Variants in SPOCK2 observed in about 807,000 individuals in gnomAD.
SPOCK2 encodes the protein testican-2.
Under a neutral mutation model 60.1 loss-of-function variants are expected in SPOCK2, and 39 were observed. That is an observed-to-expected ratio of 0.65 (90% confidence interval 0.50 to 0.85). The LOEUF (loss-of-function observed/expected upper bound fraction) is 0.85, where lower values mean the gene tolerates loss of function less well. Ranked by LOEUF, SPOCK2 falls within the 40% of genes least tolerant of loss-of-function variation. The probability of loss-of-function intolerance (pLI) is 0.00; values close to 1 mark genes in which losing one functional copy is unlikely to be tolerated. For synonymous variants in SPOCK2, 217 were observed against 231.5 expected (o/e 0.94, Z 0.57); for missense variants, 523 against 567.4 (o/e 0.92, Z 0.80).
chr10:72,060,751 A>G lies in SPOCK2; in HGVS notation c.*2009T>C, dbSNP rs1186831264. 1 of 152,592 alleles carries G rather than the reference A, an allele frequency of 6.6e-6. No homozygotes were observed. Among genetic ancestry groups the G allele is most frequent in the African/African-American group, 2.4e-5 (1 of 41,408 alleles). 9.5% of individuals were successfully genotyped at this position (152,592 alleles called of 1,614,324 possible). A position where few individuals can be genotyped will look rare whatever the true frequency, so the allele number is the denominator to read the frequency against. On this transcript the variant is annotated 3_prime_UTR_variant, in exon 11 of 11. Transcript: ENST00000373109. The stretch of plus-strand genomic sequence containing the variant: ...CCTGGAACGACGCGACACCTCAACA[A>G]TCAGAACTGGGCTGCGGAATGGGAA...
At chr10:72,073,591 GA>G (rs1040725808) in intron 1 of SPOCK2, among the ~76,000 whole-genome samples, 1 of 152,172 alleles carries the variant, frequency 6.6e-6, no homozygotes, top group African/African-American at 2.4e-5. Context: ...TTGTGCCGGA[GA>G]AAGCCCAGAG....
At position 72,062,285 on chromosome 10, in the gene SPOCK2, A is replaced by C. The variant is rs527854674; in HGVS notation, c.*475T>G. ...AGAAGCAAGAGGGAGAAGGGCAGAC[A>C]GGGGTCGGTTGAGCCAGGGTAGAAA... On this transcript the variant is annotated 3_prime_UTR_variant, in exon 11 of 11. Coordinates refer to ENST00000373109, the MANE Select transcript of SPOCK2 (RefSeq NM_001244950.2). This position sits in a 1 kb window ranked among gnomAD's most constrained non-coding sequence, Gnocchi z 4.3. The C allele has an allele frequency of 1.0e-4, 16 of 157,788 alleles. No homozygotes were observed. In the South Asian group the frequency reaches 2.7e-3, roughly 26 times the overall value. The allele number at this position is 157,788 out of a possible 1,614,324, so 9.8% of individuals were successfully genotyped here.
At chr10:72,078,215 A>G (rs1443249601) in intron 1 of SPOCK2, among the ~76,000 whole-genome samples, 1 of 152,190 alleles carries the variant, frequency 6.6e-6, no homozygotes, top group East Asian at 1.9e-4. Flanking sequence ...AATCATAATC[A>G]TAATAAATAT....
intron 1 of SPOCK2, among the ~76,000 whole-genome samples, chr10:72,076,638 T>C (rs910398029): frequency 6.6e-6 from 1 of 152,174 alleles, no homozygotes; most frequent in Non-Finnish European, 1.5e-5. Context: ...AGGCTGGTCT[T>C]GAACTCCTGG....
chr10:72,081,089 G>A (rs2131821861), intron 1 of SPOCK2, among the ~76,000 whole-genome samples: 1 of 152,314 alleles, frequency 6.6e-6, no homozygotes, highest in Admixed American at 6.5e-5. Flanking sequence ...GAAGACCCCA[G>A]GGCTGGAGCT....
Position 72,072,162 on chromosome 10 carries a change from C to T in SPOCK2, c.341G>A (p.Arg114His), listed in dbSNP as rs577728856. Residue 114 changes from arginine (R) to histidine (H), a missense_variant, in exon 4 of 11, where the codon CGC (arginine) becomes CAC (histidine). Coordinates refer to ENST00000373109, the MANE Select transcript of SPOCK2 (RefSeq NM_001244950.2). ...CTCTCACCTGTGCTCCAGCTTCTTGCGACTGATGCACATGGCCCGCTGGTA... is the reference window on the plus strand; with the variant it reads ...CTCTCACCTGTGCTCCAGCTTCTTGTGACTGATGCACATGGCCCGCTGGTA... ...QGYQRAMCIS[R>H]KKLEHRIKQP... The T allele has an allele frequency of 3.4e-5, 52 of 1,528,428 alleles. No individual in the cohort carries two copies. Among genetic ancestry groups the T allele is most frequent in the South Asian group, 5.1e-5 (4 of 78,926 alleles). The allele number at this position is 1,528,428 out of a possible 1,614,324, so 94.7% of individuals were successfully genotyped here. A position where few individuals can be genotyped will look rare whatever the true frequency, so the allele number is the denominator to read the frequency against.
At chr10:72,088,041 C>A in intron 1 of SPOCK2, 99 bp downstream of exon 1, 2 of 1,461,578 alleles carry the variant, frequency 1.4e-6, no homozygotes, top group Non-Finnish European at 1.9e-6. Context: ...GCTGCGGAGC[C>A]TCGGGCTGCG....
chr10:72,075,554 C>T (rs1304044455), intron 1 of SPOCK2, among the ~76,000 whole-genome samples: 2 of 152,176 alleles, frequency 1.3e-5, no homozygotes, highest in African/African-American at 4.8e-5. Flanking sequence ...ACAGTGGATT[C>T]TCAAAGGTCA....
At position 72,067,065 on chromosome 10, in the gene SPOCK2, G is replaced by A. The variant is rs1349256613; in HGVS notation, c.765C>T (p.Ser255=). The change falls in exon 8 of 11, where the codon TCC becomes TCT. Residue 255 remains serine (S), a synonymous_variant. Transcript: ENST00000373109. ...SCKDSIGWMF[S]KLDTSADLFL... The stretch of plus-strand genomic sequence containing the variant: ...AGAGGTCAGCACTGGTGTCCAGCTT[G>A]GAGAACATCCAGCCAATGGAGTCCT... 1 of 1,614,214 alleles carries A rather than the reference G, an allele frequency of 6.2e-7. No individual in the cohort carries two copies. The highest frequency in any genetic ancestry group is 1.1e-5 in the South Asian group (1 of 91,084).
intron 8 of SPOCK2, among the ~76,000 whole-genome samples, chr10:72,064,725 T>A (rs1232354376): frequency 6.6e-6 from 1 of 152,210 alleles, no homozygotes; most frequent in African/African-American, 2.4e-5. Context: ...TTTATTTTTT[T>A]ATTTTTTATT....
Position 72,088,302 on chromosome 10 carries a change from C to G in SPOCK2, c.27G>C (p.Leu9=). 6.3e-7 allele frequency: 1 copy of G among 1,588,328 alleles called. No individual in the cohort carries two copies. Among genetic ancestry groups the G allele is most frequent in the Non-Finnish European group, 8.6e-7 (1 of 1,169,564 alleles). Residue 9 remains leucine, a synonymous_variant, in exon 1 of 11, where the codon CTG becomes CTC. Transcript: ENST00000373109. The part of the protein sequence containing the change: MRAPGCGR[L]VLPLLLLAAA... ...CGGCCAGGAGCAGCAGCGGCAGCAC[C>G]AGCCGCCCGCAGCCCGGGGCGCGCA... is the stretch of plus-strand genomic sequence containing the variant.
intron 7 of SPOCK2, among the ~76,000 whole-genome samples, chr10:72,067,369 G>A (rs1370588141): frequency 6.6e-6 from 1 of 152,166 alleles, no homozygotes; most frequent in East Asian, 1.9e-4. Context: ...TGCTTTCCCT[G>A]GGCTACCCAT....
intron 1 of SPOCK2, among the ~76,000 whole-genome samples, chr10:72,083,952 G>GT (rs1435625391): frequency 4.6e-4 from 70 of 152,226 alleles, no homozygotes; most frequent in African/African-American, 1.7e-3. Flanking sequence ...TAGGTGTGTG[G>GT]GGTGGGAAGC....
At chr10:72,065,515 C>T (rs970471405) in intron 8 of SPOCK2, among the ~76,000 whole-genome samples, 19 of 152,242 alleles carry the variant, frequency 1.2e-4, no homozygotes, top group African/African-American at 3.9e-4. Flanking sequence ...GACAAAATCA[C>T]CTAATGATGC....
intron 1 of SPOCK2, among the ~76,000 whole-genome samples, chr10:72,074,502 G>A (rs1310586169): frequency 6.6e-6 from 1 of 152,262 alleles, no homozygotes; most frequent in Non-Finnish European, 1.5e-5. Flanking sequence ...TTATGCACAG[G>A]TGGACATATG....
Position 72,062,700 on chromosome 10 carries a change from C to T in SPOCK2, c.*60G>A. ...ATTTCTGGATCCGTTCTCGAAGTTG[C>T]CTGCTGCTGCTCAGAGCTCTGCTGT... On this transcript the variant is annotated 3_prime_UTR_variant, in exon 11 of 11. Transcript: ENST00000373109. The surrounding 1 kb of genome is among the most constrained non-coding windows in gnomAD (Gnocchi z 4.3). 1.3e-6 allele frequency: 2 copies of T among 1,548,012 alleles called. No homozygotes were observed. The highest frequency in any genetic ancestry group is 1.7e-6 in the Non-Finnish European group (2 of 1,156,908).
chr10:72,064,350 C>A (rs551385876), intron 8 of SPOCK2, 110 bp from the exon 9 acceptor site: 2 of 1,245,684 alleles, frequency 1.6e-6, no homozygotes, highest in African/African-American at 1.6e-5. Flanking sequence ...GATGAAAACA[C>A]CCCGTTTCTG....
Position 72,087,121 on chromosome 10 carries a change from C to T in SPOCK2, c.189+1019G>A, listed in dbSNP as rs1157937337. 1.5e-5 allele frequency: 15 copies of T among 1,000,294 alleles called. No individual in the cohort carries two copies. Among genetic ancestry groups the T allele is most frequent in the Admixed American group, 2.9e-5 (1 of 34,706 alleles). 62.0% of individuals were successfully genotyped at this position (1,000,294 alleles called of 1,614,324 possible). ...CATCCGGGCCCATCCCCCACAGCAC[C>T]CCCAACGATCTCGGGGTCCAGCCAC... is the stretch of plus-strand genomic sequence containing the variant. On this transcript the variant is annotated intron_variant, in intron 1 of 10. Coordinates refer to ENST00000373109, the MANE Select transcript of SPOCK2 (RefSeq NM_001244950.2). The surrounding 1 kb of genome is among the most constrained non-coding windows in gnomAD (Gnocchi z 4.7).
At chr10:72,077,685 A>T (rs946371841) in intron 1 of SPOCK2, among the ~76,000 whole-genome samples, 2 of 152,172 alleles carry the variant, frequency 1.3e-5, no homozygotes, top group Admixed American at 1.3e-4. Context: ...CCTCCCTCCG[A>T]GGGTGCCTCA....
Sources: gnomAD v4.1 joint callset for allele counts (sites outside exome capture counted in the v4.1 genomes callset) on GRCh38, gnomAD v4.1.1 for gene constraint, Gnocchi (gnomAD v3.1) non-coding constraint, MANE v1.5 for transcripts, NCBI Gene and HGNC (gene_info 2026-07-23, HGNC 2026-07-21) for gene names.